ZNF254: variants seen among roughly 807,000 people sequenced by gnomAD.
The protein encoded by ZNF254 is zinc finger protein 254.
Under a neutral mutation model 12.4 loss-of-function variants are expected in ZNF254, and 10 were observed. The observed-to-expected ratio is 0.80, with a 90% confidence interval of 0.50 to 1.36. ZNF254 has a LOEUF of 1.36. Among genes scored for constraint, ZNF254 ranks in the 40% most tolerant of loss-of-function variants. The pLI, the probability that ZNF254 is intolerant of heterozygous loss-of-function variation, is 0.00. For missense variants in ZNF254, 996 were observed against 763.9 expected, an observed-to-expected ratio of 1.30 and a Z score of -3.58; for synonymous variants, 305 against 253.4, an observed-to-expected ratio of 1.20 and a Z score of -1.93.
chr19:24,075,746 G>T (rs934413569), intron 2 of ZNF254, among the ~76,000 whole-genome samples: 9 of 152,168 alleles, frequency 5.9e-5, no homozygotes, highest in African/African-American at 2.2e-4. Context: ...AATTCACCAG[G>T]CTGTAATTTC....
intron 1 of ZNF254, among the ~76,000 whole-genome samples, chr19:24,041,349 C>T (rs950034318): frequency 6.6e-6 from 1 of 152,192 alleles, no homozygotes; most frequent in African/African-American, 2.4e-5. Flanking sequence ...CTGCGTGCGG[C>T]GCTTGCGGGC....
rs369338289 is a variant in ZNF254, at chr19:24,089,703, C to CT, written c.30+2376dup. ...AGTCTAAAAGGCATTTCCTAGTGCA[C>CT]TTTTTTTTTTAAAGCTAATTTTATG... On this transcript the variant is annotated intron_variant, in intron 1 of 3. Coordinates refer to ENST00000357002, the MANE Select transcript of ZNF254 (RefSeq NM_203282.4). Among the ~76,000 whole-genome samples, 238 of 148,760 alleles carry CT rather than the reference C, an allele frequency of 1.6e-3. 1 individual carries two copies. Among genetic ancestry groups the CT allele is most frequent in the African/African-American group, 4.4e-3 (178 of 40,574 alleles).
intron 1 of ZNF254, 23 bp downstream of exon 1, chr19:24,087,360 C>T (rs1972087275): frequency 6.2e-7 from 1 of 1,613,352 alleles, no homozygotes; most frequent in African/African-American, 1.3e-5. Flanking sequence ...GTCCGACATC[C>T]CGAGAGAGGG....
chr19:24,101,768 A>G (rs887255278), intron 1 of ZNF254, among the ~76,000 whole-genome samples: 2 of 152,194 alleles, frequency 1.3e-5, no homozygotes, highest in South Asian at 2.1e-4. Flanking sequence ...TGCTCTCACA[A>G]TCACCTAGGT....
chr19:24,074,729 A>C (rs62114837), intron 2 of ZNF254, among the ~76,000 whole-genome samples: 12,959 of 152,164 alleles, frequency 0.085, 738 homozygotes, highest in Non-Finnish European at 0.13. Context: ...CACTTATGTG[A>C]TGTGACTCTT....
intron 3 of ZNF254, among the ~76,000 whole-genome samples, chr19:24,110,968 ATAC>A (rs1474668222): frequency 1.3e-5 from 2 of 151,874 alleles, no homozygotes; most frequent in Non-Finnish European, 2.9e-5. Flanking sequence ...TAATATTATT[ATAC>A]TACAAGTTTT....
intron 3 of ZNF254, among the ~76,000 whole-genome samples, chr19:24,122,517 G>T (rs567202093): frequency 1.6e-4 from 24 of 152,088 alleles, no homozygotes; most frequent in Non-Finnish European, 2.9e-4. Context: ...GAACCACCAT[G>T]CCTGGCCCCA....
intron 3 of ZNF254, among the ~76,000 whole-genome samples, chr19:24,113,341 G>T (rs976087604): frequency 1.3e-5 from 2 of 152,182 alleles, no homozygotes; most frequent in East Asian, 1.9e-4. Context: ...CCATGATCAA[G>T]TGGGCTTCAT....
At chr19:24,090,860 T>G (rs955260974) in intron 1 of ZNF254, among the ~76,000 whole-genome samples, 2 of 152,112 alleles carry the variant, frequency 1.3e-5, no homozygotes, top group African/African-American at 2.4e-5. Flanking sequence ...ATATTTTATT[T>G]GTTGAACATT....
intron 3 of ZNF254, among the ~76,000 whole-genome samples, chr19:24,117,372 G>GT (rs1025655092): frequency 2.1e-4 from 32 of 152,298 alleles, no homozygotes; most frequent in African/African-American, 7.7e-4. Context: ...CGGCTGCTTT[G>GT]TTTACCTAAG....
chr19:24,050,488 C>T (rs1410249382), intron 2 of ZNF254, among the ~76,000 whole-genome samples: 1 of 152,194 alleles, frequency 6.6e-6, no homozygotes, highest in African/African-American at 2.4e-5. Context: ...TGACTCTTCT[C>T]TCTTACCTGG....
chr19:24,079,971 G>T (rs1301031330), intron 2 of ZNF254: 1 of 152,100 alleles, frequency 6.6e-6, no homozygotes, highest in African/African-American at 2.4e-5. Context: ...TTTAGTTGAG[G>T]CAATCAGAAA....
rs1472349914 is a variant in ZNF254, at chr19:24,108,198, A to G, written c.253+1555A>G. On this transcript the variant is annotated intron_variant, in intron 3 of 3. Coordinates refer to ENST00000357002, the MANE Select transcript of ZNF254 (RefSeq NM_203282.4). ...GTCATGGAACTGCTTCAGGGACCAC[A>G]GTAAAGGTCAAGGTCTGCAGGCCTG... 2.6e-5 allele frequency among the ~76,000 whole-genome samples: 4 copies of G among 152,330 alleles called. No individual in the cohort carries two copies. The East Asian group carries it at 7.8e-4, about 30-fold the overall frequency.
chr19:24,044,796 C>G (rs779690602), intron 1 of ZNF254, among the ~76,000 whole-genome samples: 24 of 152,086 alleles, frequency 1.6e-4, no homozygotes, highest in Non-Finnish European at 2.8e-4. Context: ...GAACTCTGCC[C>G]TTGACTGCAT....
rs1352062014 is a variant in ZNF254, at chr19:24,088,811, C to A, written c.30+1474C>A. 2.6e-5 allele frequency among the ~76,000 whole-genome samples: 4 copies of A among 151,880 alleles called. No individual in the cohort carries two copies. In the East Asian group the frequency reaches 5.8e-4, roughly 22 times the overall value. On this transcript the variant is annotated intron_variant, in intron 1 of 3. Coordinates refer to ENST00000357002, the MANE Select transcript of ZNF254 (RefSeq NM_203282.4). ...AGCTGGAATTATAGGCGCCCGCCCC[C>A]ACGCCTGGCTAATTTTTGTATTTTT... is the stretch of plus-strand genomic sequence containing the variant.
In ZNF254 at chr19:24,129,081, TGTA is replaced by T. The variant is rs1975080418; in HGVS notation, c.*1102_*1104del. 2 of 152,000 alleles carry T rather than the reference TGTA, an allele frequency of 1.3e-5. No homozygotes were observed. The highest frequency in any genetic ancestry group is 4.1e-4 in the South Asian group (2 of 4,828). The allele number at this position is 152,000 out of a possible 1,614,324, so 9.4% of individuals were successfully genotyped here. On this transcript the variant is annotated 3_prime_UTR_variant, in exon 4 of 4. Transcript: ENST00000357002. ...CTATGAAAAGATAAGGACATTAAAA[TGTA>T]AGATGCGTGAGGAAAATTTAGGTAG...
At chr19:24,119,356 G>A (rs554109515) in intron 3 of ZNF254, among the ~76,000 whole-genome samples, 30 of 151,760 alleles carry the variant, frequency 2.0e-4, no homozygotes, top group African/African-American at 4.8e-4. Context: ...CATGCCTGGC[G>A]AATTTTTGCA....
At chr19:24,066,952 C>G (rs1971297579) in intron 2 of ZNF254, 1 of 151,954 alleles carries the variant, frequency 6.6e-6, no homozygotes. Context: ...TGCACCAATC[C>G]TACAGGTGAT....
intron 2 of ZNF254, chr19:24,066,690 AAACAAAAC>A (rs1971282246): frequency 8.8e-5 from 1 of 11,318 alleles, no homozygotes; most frequent in African/African-American, 6.4e-4. Context: ...TACTAAAACA[AAACAAAAC>A]AAAACAAAAC....
Sources: allele counts gnomAD v4.1 joint callset (sites outside exome capture counted in the v4.1 genomes callset), GRCh38; gene constraint gnomAD v4.1.1; transcripts MANE v1.5; gene names NCBI Gene and HGNC (gene_info 2026-07-23, HGNC 2026-07-21).